DGKB: variants seen among roughly 807,000 people sequenced by gnomAD.
DGKB encodes diacylglycerol kinase beta, also known as 90 kDa diacylglycerol kinase.
DGKB carries 67 observed loss-of-function variants against 114.3 expected under a neutral mutation model. The ratio of observed to expected loss-of-function variants is 0.59; its 90% CI spans 0.48 to 0.72. The LOEUF is 0.72. Ranked by LOEUF, DGKB falls within the 30% of genes least tolerant of loss-of-function variation. The pLI is 0.00. For missense variants in DGKB, 907 were observed against 975.2 expected (o/e 0.93, Z 0.93); for synonymous variants, 398 against 323.1 (o/e 1.23, Z -2.49).
chr7:14,329,677 T>C (rs1336856756), intron 23 of DGKB, among the ~76,000 whole-genome samples: 4 of 151,982 alleles, frequency 2.6e-5, no homozygotes, highest in African/African-American at 9.7e-5. Flanking sequence ...TGGGGAGCTA[T>C]CTACCACCTT....
At chr7:14,942,923 T>C (rs989358825) in intron 1 of DGKB, among the ~76,000 whole-genome samples, 6 of 152,022 alleles carry the variant, frequency 3.9e-5, no homozygotes, top group African/African-American at 1.4e-4. Context: ...GCATTATATG[T>C]GATTTTTTTT....
intron 23 of DGKB, among the ~76,000 whole-genome samples, chr7:14,231,115 CTTTCTTTCTTTCTT>C (rs1031340354): frequency 7.8e-6 from 1 of 128,610 alleles, no homozygotes; most frequent in African/African-American, 2.9e-5. Flanking sequence ...TTCTTTCTTT[CTTTCTTTCTTTCTT>C]TCTTTCTTTC....
At chr7:14,700,452 ATC>A (rs1824960614) in intron 7 of DGKB, among the ~76,000 whole-genome samples, 1 of 152,122 alleles carries the variant, frequency 6.6e-6, no homozygotes. Context: ...ACTTCAGGTG[ATC>A]GCCTGCCCGT....
In DGKB at chr7:14,443,156, T is replaced by A. The variant is rs568531432; in HGVS notation, c.1835+35005A>T. Among the ~76,000 whole-genome samples, 7 of 152,280 alleles carry A rather than the reference T, an allele frequency of 4.6e-5. No homozygotes were observed. In the South Asian group the frequency reaches 1.5e-3, roughly 32 times the overall value. ...CTTTTCTAAGCATTTTTACAAATAT[T>A]TTCTTATTTCTTTTGCATTACTTGA... On this transcript the variant is annotated intron_variant, in intron 21 of 25. Coordinates refer to ENST00000402815, the MANE Select transcript of DGKB (RefSeq NM_001350709.2).
intron 4 of DGKB, among the ~76,000 whole-genome samples, chr7:14,748,167 G>A (rs1296013426): frequency 3.3e-5 from 5 of 152,092 alleles, no homozygotes; most frequent in African/African-American, 1.2e-4. Context: ...TCTGCACCAG[G>A]CTCTGTTCTA....
chr7:14,918,186 AAAC>A (rs1482413653), intron 1 of DGKB, among the ~76,000 whole-genome samples: 1 of 152,154 alleles, frequency 6.6e-6, no homozygotes, highest in African/African-American at 2.4e-5. Context: ...CTAAAATCCA[AAAC>A]AATAAAAACA....
At chr7:14,807,333 C>T (rs1287467920) in intron 2 of DGKB, among the ~76,000 whole-genome samples, 1 of 151,392 alleles carries the variant, frequency 6.6e-6, no homozygotes, top group Non-Finnish European at 1.5e-5. Flanking sequence ...ATCCTAATGA[C>T]CAACTTAAAT....
rs137935796 is a variant in DGKB at position 14,176,880 on chromosome 7, T to C, written c.2263A>G (p.Met755Val). Residue 755 changes from methionine to valine, a missense_variant, in exon 25 of 26, where the codon ATG (methionine) becomes GTG (valine). By Grantham distance (21) the Met-to-Val change is conservative. Around this residue, in one of 3 missense-constraint regions of DGKB, gnomAD observed 35 missense variants for 66.0 expected, o/e 0.53. Coordinates refer to ENST00000402815, the MANE Select transcript of DGKB (RefSeq NM_001350709.2). ...ATCCATGGCTCCCCATCAATTTGCA[T>C]TGGCAGAGACTTGCTCGTCCTGGGG... ...VVIRTSKSLP[M>V]QIDGEPWMQT... 3.1e-6 allele frequency: 5 copies of C among 1,613,778 alleles called. No homozygotes were observed. Among genetic ancestry groups the C allele is most frequent in the African/African-American group, 1.3e-5 (1 of 75,050 alleles).
chr7:14,279,147 C>T (rs202133090), intron 23 of DGKB, among the ~76,000 whole-genome samples: 5 of 152,036 alleles, frequency 3.3e-5, no homozygotes, highest in Non-Finnish European at 7.4e-5. Context: ...TCGGGTCACT[C>T]CCACCCGAAT....
rs1271495782 is a variant in DGKB, at chr7:14,958,468, CA to C, written c.-188+16227del. 1.1e-4 allele frequency among the ~76,000 whole-genome samples: 17 copies of C among 150,258 alleles called. No individual in the cohort carries two copies. The South Asian group carries it at 2.5e-3, about 22-fold the overall frequency. ...ACACACACACACACACACACACACA[CA>C]CACACACCCCGTCCAGGAGATGTTA... On this transcript the variant is annotated intron_variant, in intron 1 of 4. Coordinates refer to the DGKB transcript ENST00000437998.
At chr7:14,944,271 G>A (rs914632856) in intron 1 of DGKB, among the ~76,000 whole-genome samples, 3 of 151,792 alleles carry the variant, frequency 2.0e-5, no homozygotes, top group African/African-American at 7.2e-5. Flanking sequence ...CCAGGAATAC[G>A]AATTTATTTT....
intron 13 of DGKB, among the ~76,000 whole-genome samples, chr7:14,656,749 T>TACACACACACACACACACACAC (rs777452419): frequency 1.2e-4 from 6 of 50,148 alleles, no homozygotes; most frequent in Non-Finnish European, 2.2e-4. Context: ...ATATATAGGA[T>TACACACACACACACACACACAC]ATATACACAC....
At chr7:14,312,829 G>C (rs1805638879) in intron 23 of DGKB, among the ~76,000 whole-genome samples, 1 of 152,170 alleles carries the variant, frequency 6.6e-6, no homozygotes, top group Admixed American at 6.5e-5. Context: ...AAAATTCAAT[G>C]TTCCAAGTGA....
chr7:14,910,794 G>C (rs1186183110), intron 1 of DGKB, among the ~76,000 whole-genome samples: 3 of 152,070 alleles, frequency 2.0e-5, no homozygotes, highest in African/African-American at 7.2e-5. Flanking sequence ...TTTAAGATTT[G>C]AAATTTGAAT....
chr7:14,277,330 C>A (rs1799174444), intron 23 of DGKB, among the ~76,000 whole-genome samples: 2 of 146,430 alleles, frequency 1.4e-5, no homozygotes, highest in African/African-American at 4.9e-5. Flanking sequence ...GCCACCATGC[C>A]CAGGTAATTT....
intron 6 of DGKB, among the ~76,000 whole-genome samples, chr7:14,701,934 C>G (rs1202941231): frequency 6.6e-6 from 1 of 152,072 alleles, no homozygotes; most frequent in African/African-American, 2.4e-5. Context: ...AGCATAAAGT[C>G]TATCAAATTT....
At chr7:14,562,385 T>G in intron 20 of DGKB, among the ~76,000 whole-genome samples, 1 of 152,242 alleles carries the variant, frequency 6.6e-6, no homozygotes, top group South Asian at 2.1e-4. Flanking sequence ...CACTGCCTAG[T>G]GGAGCTGTGA....
chr7:14,343,157 C>CCCCA (rs147711009), intron 22 of DGKB, among the ~76,000 whole-genome samples: 47 of 132,922 alleles, frequency 3.5e-4, no homozygotes, highest in Non-Finnish European at 5.6e-4. Flanking sequence ...GCCTAGCTAT[C>CCCCA]CACACACACA....
intron 21 of DGKB, among the ~76,000 whole-genome samples, chr7:14,429,535 T>C (rs138894322): frequency 7.9e-4 from 121 of 152,302 alleles, no homozygotes; most frequent in Admixed American, 1.4e-3. Context: ...TTTAGGTGCC[T>C]TTAGTTCTGG....
Sources: gnomAD v4.1 joint callset for allele counts (sites outside exome capture counted in the v4.1 genomes callset) on GRCh38, gnomAD v4.1.1 for gene constraint, gnomAD v4.1.1 regional missense constraint, MANE v1.5 for transcripts, NCBI Gene and HGNC (gene_info 2026-07-23, HGNC 2026-07-21) for gene names.